Variants in PLA1A observed in about 807,000 individuals in gnomAD.
PLA1A encodes the protein phosphatidylserine-specific phospholipase A1alpha.
A neutral mutation model predicts 49.4 loss-of-function variants in PLA1A; 47 were observed. The ratio of observed to expected loss-of-function variants is 0.95; its 90% CI spans 0.75 to 1.21. The LOEUF is 1.21. Ranked by LOEUF, PLA1A falls within the 50% of genes most tolerant of loss-of-function variation. The pLI is 0.00. For missense variants in PLA1A, 561 were observed against 563.9 expected (o/e 0.99, Z 0.05); for synonymous variants, 224 against 207.9 (o/e 1.08, Z -0.67).
chr3:119,607,244 C>G (rs2082701450), intron 2 of PLA1A: 1 of 457,274 alleles, frequency 2.2e-6, no homozygotes, highest in South Asian at 2.8e-5. Flanking sequence ...TCTCCGTACA[C>G]AGAACCTTTA....
rs3054091 is a variant in PLA1A, at chr3:119,629,498, ATTTT to A, written c.*43_*46del. ...ACCTGGGCAGGACACATCTCCCTGC[ATTTT>A]TTTTTTTTTTTTGAGAGAGAGGTGT... On this transcript the variant is annotated 3_prime_UTR_variant, in exon 11 of 11. Transcript: ENST00000273371. 49 of 875,860 alleles carry A rather than the reference ATTTT, an allele frequency of 5.6e-5. No individual in the cohort carries two copies. Among genetic ancestry groups the A allele is most frequent in the Non-Finnish European group, 6.5e-5 (37 of 566,498 alleles). The allele number at this position is 875,860 out of a possible 1,614,324, so 54.3% of individuals were successfully genotyped here. A position where few individuals can be genotyped will look rare whatever the true frequency, so the allele number is the denominator to read the frequency against.
At chr3:119,600,711 C>T (rs908234027) in intron 1 of PLA1A, among the ~76,000 whole-genome samples, 12 of 152,198 alleles carry the variant, frequency 7.9e-5, no homozygotes, top group Non-Finnish European at 1.8e-4. Flanking sequence ...CATCCTGAAA[C>T]AATTCAGCCA....
intron 9 of PLA1A, 117 bp from the exon 10 acceptor site, chr3:119,628,584 A>G (rs941325339): frequency 1.2e-6 from 1 of 823,140 alleles, no homozygotes; most frequent in Non-Finnish European, 2.0e-6. Context: ...TAAGGAGCTA[A>G]CCCCTTGGTG....
intron 7 of PLA1A, among the ~76,000 whole-genome samples, chr3:119,619,307 G>A (rs558166364): frequency 6.6e-6 from 1 of 152,238 alleles, no homozygotes; most frequent in Non-Finnish European, 1.5e-5. Context: ...ATTAGTGTCA[G>A]ATTTCTTATA....
intron 9 of PLA1A, 117 bp downstream of exon 9, chr3:119,625,349 C>G (rs994793871): frequency 4.4e-6 from 3 of 675,192 alleles, no homozygotes; most frequent in Non-Finnish European, 7.9e-6. Context: ...TGGGCCCAGC[C>G]GGCTTGGCTG....
chr3:119,629,669 C>G lies in PLA1A; in HGVS notation c.*201C>G. On this transcript the variant is annotated 3_prime_UTR_variant, in exon 11 of 11. Transcript: ENST00000273371. The stretch of plus-strand genomic sequence containing the variant: ...ACAGAACTTGGTTTCCTTTGCCGAT[C>G]TTATGTACATACCCATTTTAGCTTT... 1 of 567,804 alleles carries G rather than the reference C, an allele frequency of 1.8e-6. No individual in the cohort carries two copies. Among genetic ancestry groups the G allele is most frequent in the Non-Finnish European group, 3.1e-6 (1 of 319,492 alleles). The allele number at this position is 567,804 out of a possible 1,614,324, so 35.2% of individuals were successfully genotyped here.
chr3:119,616,598 C>T (rs2082851411), intron 6 of PLA1A, among the ~76,000 whole-genome samples: 1 of 152,108 alleles, frequency 6.6e-6, no homozygotes, highest in South Asian at 2.1e-4. Flanking sequence ...TTTCTTATAT[C>T]TTATGAATAT....
chr3:119,622,103 A>AAGGAGAAGGAGAAGG (rs113459430), intron 8 of PLA1A, among the ~76,000 whole-genome samples: 1 of 147,256 alleles, frequency 6.8e-6, no homozygotes, highest in African/African-American at 2.6e-5. Context: ...GAAGAAGAAG[A>AAGGAGAAGGAGAAGG]AGAAGGAGAA....
At chr3:119,618,883 T>G (rs963072170) in intron 7 of PLA1A, among the ~76,000 whole-genome samples, 1 of 152,222 alleles carries the variant, frequency 6.6e-6, no homozygotes, top group Non-Finnish European at 1.5e-5. Flanking sequence ...ACTGCTTATA[T>G]GAGTGAAATG....
intron 6 of PLA1A, 109 bp downstream of exon 6, chr3:119,616,210 T>C (rs1170762887): frequency 6.9e-6 from 5 of 721,202 alleles, no homozygotes; most frequent in Non-Finnish European, 1.3e-5. Context: ...TACTTGACAG[T>C]GTCCTTTGCT....
At chr3:119,599,344 C>T (rs1349298246) in intron 1 of PLA1A, among the ~76,000 whole-genome samples, 1 of 151,982 alleles carries the variant, frequency 6.6e-6, no homozygotes, top group African/African-American at 2.4e-5. Flanking sequence ...GGGAACAGGG[C>T]TGTCATGAGC....
intron 2 of PLA1A, 152 bp downstream of exon 2, chr3:119,607,127 A>G (rs955619590): frequency 1.8e-5 from 12 of 650,656 alleles, no homozygotes; most frequent in Non-Finnish European, 3.3e-5. Flanking sequence ...ATGGGGTCTC[A>G]TGTCAACATG....
At chr3:119,628,258 G>A (rs2052571974) in intron 9 of PLA1A, among the ~76,000 whole-genome samples, 1 of 152,210 alleles carries the variant, frequency 6.6e-6, no homozygotes, top group South Asian at 2.1e-4. Context: ...GCTTCATGAT[G>A]TTTTCTTGTT....
chr3:119,618,023 T>C lies in PLA1A; in HGVS notation c.759T>C (p.Tyr253=). The C allele has an allele frequency of 1.2e-6, 2 of 1,610,166 alleles. No individual in the cohort carries two copies. Among genetic ancestry groups the C allele is most frequent in the African/African-American group, 1.3e-5 (1 of 74,892 alleles). The part of the protein sequence containing the change: ...PGCPTFFYAG[Y]SYLICDHMRA... ...TTGTGTTTTTTCTCTGTTCAGGTTA[T>C]AGTTATCTGATCTGTGATCACATGA... Residue 253 remains tyrosine, a synonymous_variant, in exon 7 of 11, where the codon TAT becomes TAC. Coordinates refer to ENST00000273371, the MANE Select transcript of PLA1A (RefSeq NM_015900.4).
In PLA1A at chr3:119,618,103, T is replaced by C; in HGVS notation, c.839T>C (p.Phe280Ser). The C allele has an allele frequency of 6.2e-7, 1 of 1,614,138 alleles. No individual in the cohort carries two copies. The highest frequency in any genetic ancestry group is 8.5e-7 in the Non-Finnish European group (1 of 1,179,966). ...ALENSCPLMA[F>S]PCASYKAFLA... is the part of the protein sequence containing the mutation. ...GAGAATTCCTGTCCACTGATGGCCT[T>C]TCCCTGTGCCAGCTACAAGGCCTTC... Residue 280 changes from phenylalanine (F) to serine (S), a missense_variant, in exon 7 of 11, where the codon TTT becomes TCT. By Grantham distance (155) the Phe-to-Ser change is radical. Coordinates refer to ENST00000273371, the MANE Select transcript of PLA1A (RefSeq NM_015900.4).
chr3:119,627,764 G>C (rs977753989), intron 9 of PLA1A, among the ~76,000 whole-genome samples: 2 of 152,102 alleles, frequency 1.3e-5, no homozygotes, highest in African/African-American at 4.8e-5. Context: ...AGCTCTGCTG[G>C]GCGCCCTCCT....
chr3:119,597,955 C>T lies in PLA1A; in HGVS notation c.42C>T (p.Gly14=). The change falls in exon 1 of 11, where the codon GGC becomes GGT. Residue 14 remains glycine (G), a synonymous_variant. Coordinates refer to ENST00000273371, the MANE Select transcript of PLA1A (RefSeq NM_015900.4). ...GGGAGAGCTGCTTCTGGGTGGGGGGCCTCATTTTGTGGCTCAGCGTTGGAA... is the reference window on the plus strand; with the variant it reads ...GGGAGAGCTGCTTCTGGGTGGGGGGTCTCATTTTGTGGCTCAGCGTTGGAA... The part of the protein sequence containing the change: ...GPWESCFWVG[G]LILWLSVGSS... The T allele has an allele frequency of 6.2e-7, 1 of 1,610,294 alleles. No homozygotes were observed. Among genetic ancestry groups the T allele is most frequent in the East Asian group, 2.2e-5 (1 of 44,830 alleles).
chr3:119,628,885 T>G lies in PLA1A; in HGVS notation c.1286+20T>G. On this transcript the variant is annotated intron_variant, in intron 10 of 10. Coordinates refer to ENST00000273371, the MANE Select transcript of PLA1A (RefSeq NM_015900.4). ...TGACAGGTAAGCCCCAGTATTCACC[T>G]CTGCACCAGATGCACTCACACATCA... 6.2e-7 allele frequency: 1 copy of G among 1,604,380 alleles called. No homozygotes were observed. The highest frequency in any genetic ancestry group is 8.5e-7 in the Non-Finnish European group (1 of 1,171,826).
intron 3 of PLA1A, 122 bp from the exon 4 acceptor site, chr3:119,609,346 G>C (rs1400639262): frequency 1.3e-6 from 1 of 773,552 alleles, no homozygotes; most frequent in Non-Finnish European, 2.4e-6. Flanking sequence ...TCCCTCCAAA[G>C]TAAGTGTGGT....
Sources: allele counts gnomAD v4.1 joint callset (sites outside exome capture counted in the v4.1 genomes callset), GRCh38; gene constraint gnomAD v4.1.1; transcripts MANE v1.5; gene names NCBI Gene and HGNC (gene_info 2026-07-23, HGNC 2026-07-21).